TCF7L1: variants seen among roughly 807,000 people sequenced by gnomAD.
TCF7L1 encodes the protein transcription factor 7-like 1.
Under a neutral mutation model 63.7 loss-of-function variants are expected in TCF7L1, and 18 were observed. The observed-to-expected ratio is 0.28, with a 90% confidence interval of 0.20 to 0.42. TCF7L1 has a LOEUF of 0.42. Ranked by LOEUF, TCF7L1 falls within the 10% of genes least tolerant of loss-of-function variation. The pLI, the probability that TCF7L1 is intolerant of heterozygous loss-of-function variation, is 1.00. For synonymous variants in TCF7L1, 355 were observed against 340.9 expected (o/e 1.04, Z -0.46); for missense variants, 654 against 779.3 (o/e 0.84, Z 1.91).
At chr2:85,193,406 C>T (rs1679082909) in intron 3 of TCF7L1, among the ~76,000 whole-genome samples, 2 of 152,056 alleles carry the variant, frequency 1.3e-5, no homozygotes, top group African/African-American at 4.8e-5. Context: ...TTATTAGGGC[C>T]GGGTGCAGTG....
At chr2:85,300,252 A>G (rs1221208597) in intron 4 of TCF7L1, among the ~76,000 whole-genome samples, 7 of 152,122 alleles carry the variant, frequency 4.6e-5, no homozygotes, top group African/African-American at 1.7e-4. Context: ...CACGCTGGTA[A>G]TAATTCTATT....
intron 3 of TCF7L1, among the ~76,000 whole-genome samples, chr2:85,228,202 T>C (rs1573000324): frequency 6.6e-6 from 1 of 152,056 alleles, no homozygotes; most frequent in African/African-American, 2.4e-5. Context: ...GGAGGATCAC[T>C]TGAGCCCACG....
At chr2:85,152,360 G>A (rs1440030870) in intron 3 of TCF7L1, among the ~76,000 whole-genome samples, 1 of 151,840 alleles carries the variant, frequency 6.6e-6, no homozygotes, top group Non-Finnish European at 1.5e-5. Context: ...ACTAGAGGTA[G>A]AATATAATAT....
At chr2:85,176,232 T>A (rs1337946983) in intron 3 of TCF7L1, among the ~76,000 whole-genome samples, 1 of 149,546 alleles carries the variant, frequency 6.7e-6, no homozygotes, top group African/African-American at 2.5e-5. Flanking sequence ...GTCCAGGCCC[T>A]GGGACATCTG....
intron 3 of TCF7L1, among the ~76,000 whole-genome samples, chr2:85,250,992 A>T (rs529380539): frequency 5.3e-4 from 80 of 152,364 alleles, no homozygotes; most frequent in African/African-American, 1.9e-3. Context: ...AGTAATTAAC[A>T]GCTGGATTCT....
At chr2:85,266,442 A>G (rs541913012) in intron 3 of TCF7L1, among the ~76,000 whole-genome samples, 7 of 152,376 alleles carry the variant, frequency 4.6e-5, no homozygotes, top group Non-Finnish European at 8.8e-5. Flanking sequence ...TGAGTTCATA[A>G]CTTCTTTATC....
At chr2:85,201,061 G>A (rs1679258335) in intron 3 of TCF7L1, among the ~76,000 whole-genome samples, 1 of 152,086 alleles carries the variant, frequency 6.6e-6, no homozygotes, top group African/African-American at 2.4e-5. Flanking sequence ...AAATTAGCTG[G>A]TGCAGTGGTG....
chr2:85,205,452 A>T (rs1050418701), intron 3 of TCF7L1, among the ~76,000 whole-genome samples: 3 of 151,930 alleles, frequency 2.0e-5, no homozygotes, highest in African/African-American at 4.8e-5. Flanking sequence ...TCATGTGCAG[A>T]TAGATTGTTG....
At chr2:85,137,035 G>A (rs1677611170) in intron 3 of TCF7L1, among the ~76,000 whole-genome samples, 1 of 152,072 alleles carries the variant, frequency 6.6e-6, no homozygotes, top group Non-Finnish European at 1.5e-5. Context: ...GACATCTTAG[G>A]TCTTTTTTAT....
intron 3 of TCF7L1, chr2:85,233,846 C>G (rs1680133677): frequency 6.6e-6 from 1 of 152,170 alleles, no homozygotes. Flanking sequence ...CTGGCTTCCT[C>G]TGCTCACTAA....
intron 3 of TCF7L1, among the ~76,000 whole-genome samples, chr2:85,138,337 A>G (rs1677644271): frequency 6.6e-6 from 1 of 152,120 alleles, no homozygotes; most frequent in South Asian, 2.1e-4. Context: ...GACCCAAAGG[A>G]ACCCAAGCAG....
intron 3 of TCF7L1, among the ~76,000 whole-genome samples, chr2:85,255,879 C>G (rs1027808018): frequency 6.6e-6 from 1 of 152,158 alleles, no homozygotes; most frequent in Non-Finnish European, 1.5e-5. Flanking sequence ...GGTCACTGTG[C>G]GGTGATTGAC....
At chr2:85,262,056 G>A (rs1680868443) in intron 3 of TCF7L1, 3 of 533,590 alleles carry the variant, frequency 5.6e-6, no homozygotes, top group South Asian at 4.2e-5. Context: ...GAGACACTTT[G>A]TAGCAGAGGA....
At chr2:85,192,924 A>G (rs747143420) in intron 3 of TCF7L1, among the ~76,000 whole-genome samples, 18 of 151,950 alleles carry the variant, frequency 1.2e-4, no homozygotes, top group Admixed American at 6.6e-4. Context: ...CATGGCCTCA[A>G]GCAATCCTCC....
chr2:85,250,822 G>A (rs944293657), intron 3 of TCF7L1, among the ~76,000 whole-genome samples: 3 of 152,080 alleles, frequency 2.0e-5, no homozygotes, highest in Non-Finnish European at 2.9e-5. Flanking sequence ...AAGTTGTGCC[G>A]TCCCCTGCAA....
chr2:85,153,075 G>A (rs1372629243), intron 3 of TCF7L1, among the ~76,000 whole-genome samples: 1 of 152,238 alleles, frequency 6.6e-6, no homozygotes, highest in East Asian at 1.9e-4. Flanking sequence ...GGTCACCTAT[G>A]TGATTACATC....
chr2:85,192,194 C>T (rs1160677794), intron 3 of TCF7L1, among the ~76,000 whole-genome samples: 4 of 152,162 alleles, frequency 2.6e-5, no homozygotes, highest in Non-Finnish European at 2.9e-5. Context: ...GATATGTCAT[C>T]TTGCAAATGA....
Position 85,152,539 on chromosome 2 carries a change from A to G in TCF7L1, c.441+18089A>G, listed in dbSNP as rs1365097145. Among the ~76,000 whole-genome samples the G allele has an allele frequency of 2.6e-5, 4 of 151,112 alleles. No individual in the cohort carries two copies. In the East Asian group the frequency reaches 7.8e-4, roughly 30 times the overall value. ...AACCCCAGCCTCCCAAGTTCAAGCA[A>G]TTCTCCTGCCTCAGCCTCCCAAGTA... On this transcript the variant is annotated intron_variant, in intron 3 of 11. Transcript: ENST00000282111.
intron 3 of TCF7L1, among the ~76,000 whole-genome samples, chr2:85,194,475 A>G (rs973727314): frequency 6.6e-6 from 1 of 152,154 alleles, no homozygotes; most frequent in African/African-American, 2.4e-5. Flanking sequence ...AAGAGGAGAA[A>G]CCAAGTCTGC....
Sources: allele counts gnomAD v4.1 joint callset (sites outside exome capture counted in the v4.1 genomes callset), GRCh38; gene constraint gnomAD v4.1.1; transcripts MANE v1.5; gene names NCBI Gene and HGNC (gene_info 2026-07-23, HGNC 2026-07-21).